The following GALK2 variants were observed in gnomAD, a reference collection of about 807,000 sequenced individuals.
The protein encoded by GALK2 is galactokinase 2.
GALK2 carries 36 observed loss-of-function variants against 52.4 expected under a neutral mutation model. The ratio of observed to expected loss-of-function variants is 0.69; its 90% CI spans 0.53 to 0.91. The LOEUF (loss-of-function observed/expected upper bound fraction) is 0.91, where lower values mean the gene tolerates loss of function less well. Ranked by LOEUF, GALK2 falls within the 40% of genes least tolerant of loss-of-function variation. GALK2 has a pLI of 0.00. For synonymous variants in GALK2, 176 were observed against 199.1 expected (o/e 0.88, Z 0.98); for missense variants, 579 against 559.1 (o/e 1.04, Z -0.36).
chr15:49,272,507 C>T (rs1424525349), intron 5 of GALK2, among the ~76,000 whole-genome samples: 1 of 152,132 alleles, frequency 6.6e-6, no homozygotes, highest in African/African-American at 2.4e-5. Flanking sequence ...AGATTGTGCA[C>T]GTTTAACCAG....
intron 9 of GALK2, among the ~76,000 whole-genome samples, chr15:49,326,547 G>T (rs2151104703): frequency 6.6e-6 from 1 of 152,208 alleles, no homozygotes; most frequent in Non-Finnish European, 1.5e-5. Flanking sequence ...ACTGCACCCG[G>T]CATGACAACC....
At chr15:49,236,307 G>C (rs540952320) in intron 4 of GALK2, among the ~76,000 whole-genome samples, 1 of 152,264 alleles carries the variant, frequency 6.6e-6, no homozygotes. Context: ...GCCCAGGTTT[G>C]AATCTGGGCT....
intron 2 of GALK2, among the ~76,000 whole-genome samples, chr15:49,203,974 G>A (rs1318791955): frequency 6.6e-6 from 1 of 152,054 alleles, no homozygotes; most frequent in Non-Finnish European, 1.5e-5. Flanking sequence ...AATTAGCTGG[G>A]TGTGGTGGCA....
chr15:49,283,065 A>G (rs1046506971), intron 6 of GALK2, among the ~76,000 whole-genome samples: 1 of 151,974 alleles, frequency 6.6e-6, no homozygotes, highest in African/African-American at 2.4e-5. Context: ...GCTCTAACCA[A>G]ATTTCCATGC....
Position 49,243,233 on chromosome 15 carries a change from A to C in GALK2, c.504+3866A>C, listed in dbSNP as rs117367350. On this transcript the variant is annotated intron_variant, in intron 5 of 9. Coordinates refer to ENST00000560031, the MANE Select transcript of GALK2 (RefSeq NM_002044.4). ...TATCTTTGCAGGAGTCTCTGGAGAA[A>C]CAACCAGAGATCATTTGTACTTGGG... Among the ~76,000 whole-genome samples the C allele has an allele frequency of 5.0e-3, 761 of 152,252 alleles. 4 individuals carry two copies. Among genetic ancestry groups the C allele is most frequent in the Non-Finnish European group, 8.0e-3 (545 of 68,006 alleles).
At chr15:49,222,558 G>A (rs950850659) in intron 3 of GALK2, among the ~76,000 whole-genome samples, 1 of 152,076 alleles carries the variant, frequency 6.6e-6, no homozygotes, top group African/African-American at 2.4e-5. Flanking sequence ...TTGTGTTGTG[G>A]TATATTTATT....
intron 5 of GALK2, among the ~76,000 whole-genome samples, chr15:49,272,700 T>C (rs935466824): frequency 7.9e-5 from 12 of 152,198 alleles, no homozygotes; most frequent in African/African-American, 2.9e-4. Flanking sequence ...GGTTGTACAT[T>C]GTTAGGTACT....
chr15:49,258,543 T>C (rs550440325), intron 5 of GALK2, among the ~76,000 whole-genome samples: 1 of 152,094 alleles, frequency 6.6e-6, no homozygotes, highest in South Asian at 2.1e-4. Context: ...AATTTGTATT[T>C]TGCAGAGAAG....
In GALK2 at chr15:49,357,333, G is replaced by A. The variant is rs1465559342; in HGVS notation, c.427-10158G>A. Among the ~76,000 whole-genome samples, 12 of 149,664 alleles carry A rather than the reference G, an allele frequency of 8.0e-5. No individual in the cohort carries two copies. The South Asian group carries it at 1.3e-3, about 16-fold the overall frequency. On this transcript the variant is annotated intron_variant, in intron 3 of 3. Transcript: ENST00000558399. The stretch of plus-strand genomic sequence containing the variant: ...AAAGGATCAACAAAATTGATAGACC[G>A]CTAGCAAGACTAATAAAGAAAAAAA...
chr15:49,367,702 C>T, exon 4 of GALK2: 1 of 1,151,536 alleles, frequency 8.7e-7, no homozygotes, highest in Middle Eastern at 2.8e-4. Context: ...CATAAAGTTA[C>T]CATTTGATAT....
At chr15:49,293,119 G>A (rs904491542) in intron 8 of GALK2, among the ~76,000 whole-genome samples, 12 of 152,170 alleles carry the variant, frequency 7.9e-5, no homozygotes, top group African/African-American at 2.4e-4. Flanking sequence ...AGTACTGGGG[G>A]CAAGGACATC....
chr15:49,325,217 C>T (rs2037267737), intron 9 of GALK2, among the ~76,000 whole-genome samples: 1 of 152,194 alleles, frequency 6.6e-6, no homozygotes, highest in African/African-American at 2.4e-5. Flanking sequence ...CCCTCATCTG[C>T]CCTAGCCTTT....
chr15:49,157,907 T>G lies in GALK2; in HGVS notation c.20+1891T>G, dbSNP rs1395464603. 2.0e-5 allele frequency among the ~76,000 whole-genome samples: 3 copies of G among 152,140 alleles called. No individual in the cohort carries two copies. In the East Asian group the frequency reaches 5.8e-4, roughly 29 times the overall value. On this transcript the variant is annotated intron_variant, in intron 1 of 9. Transcript: ENST00000327171. The stretch of plus-strand genomic sequence containing the variant: ...CCTCTTTGAGATTGAATTTCTTCTA[T>G]AAAATGAGCATAATGCTACCTTACT...
At chr15:49,262,604 C>G (rs2092172093) in intron 5 of GALK2, among the ~76,000 whole-genome samples, 1 of 152,042 alleles carries the variant, frequency 6.6e-6, no homozygotes, top group Non-Finnish European at 1.5e-5. Flanking sequence ...TTCTTGCCCT[C>G]TGCTAGCTTT....
chr15:49,177,815 G>A, intron 1 of GALK2: 1 of 352,712 alleles, frequency 2.8e-6, no homozygotes. Flanking sequence ...GGATGAATGA[G>A]GATAACTTCA....
chr15:49,199,412 C>T (rs182863110), intron 1 of GALK2, among the ~76,000 whole-genome samples: 184 of 152,080 alleles, frequency 1.2e-3, no homozygotes, highest in Non-Finnish European at 1.9e-3. Context: ...TTTAGGCAGC[C>T]GCATCTACCA....
chr15:49,218,431 G>A (rs1269202158), intron 3 of GALK2, among the ~76,000 whole-genome samples: 2 of 152,118 alleles, frequency 1.3e-5, no homozygotes, highest in Non-Finnish European at 2.9e-5. Context: ...TGTGGTTTCA[G>A]TTTCGTTTTT....
At chr15:49,231,913 G>T (rs1016379851) in intron 3 of GALK2, among the ~76,000 whole-genome samples, 1 of 152,214 alleles carries the variant, frequency 6.6e-6, no homozygotes, top group African/African-American at 2.4e-5. Flanking sequence ...TAGTGTTCAT[G>T]CACCTGCGGC....
intron 3 of GALK2, among the ~76,000 whole-genome samples, chr15:49,359,681 C>T (rs997286228): frequency 3.7e-5 from 5 of 136,656 alleles, no homozygotes; most frequent in Admixed American, 7.2e-5. Flanking sequence ...GTCAGTGTGG[C>T]GATTCCTCAG....
Sources: allele counts gnomAD v4.1 joint callset (sites outside exome capture counted in the v4.1 genomes callset), GRCh38; gene constraint gnomAD v4.1.1; transcripts MANE v1.5; gene names NCBI Gene and HGNC (gene_info 2026-07-23, HGNC 2026-07-21).